Variants in ACTR10 observed in about 807,000 individuals in gnomAD.
The protein encoded by ACTR10 is actin related protein 10.
In ACTR10, 43 loss-of-function variants were observed where a neutral mutation model predicts 56.2. That is an observed-to-expected ratio of 0.77 (90% CI 0.60 to 0.99). ACTR10 has a LOEUF of 0.99. Among genes scored for constraint, ACTR10 ranks in the 50% least tolerant of loss-of-function variants. ACTR10 has a pLI of 0.00. For missense variants in ACTR10, 466 were observed against 507.8 expected (o/e 0.92, Z 0.79); for synonymous variants, 170 against 176.3 (o/e 0.96, Z 0.28).
At chr14:58,214,144 C>G (rs538902678) in intron 6 of ACTR10, among the ~76,000 whole-genome samples, 6 of 152,056 alleles carry the variant, frequency 3.9e-5, no homozygotes, top group African/African-American at 1.2e-4. Context: ...ATTAATTATC[C>G]TCACCTCCCT....
At chr14:58,201,469 A>C (rs189069867) in intron 1 of ACTR10, among the ~76,000 whole-genome samples, 41 of 152,340 alleles carry the variant, frequency 2.7e-4, no homozygotes, top group Admixed American at 2.0e-3. Flanking sequence ...AATGGCTTGC[A>C]TTCTGAGATG....
intron 1 of ACTR10, among the ~76,000 whole-genome samples, chr14:58,202,438 G>T (rs1443064814): frequency 1.3e-5 from 2 of 150,596 alleles, no homozygotes; most frequent in African/African-American, 4.9e-5. Flanking sequence ...AAAAAAATTA[G>T]CCCTGCGTGG....
rs748367430 is a variant in ACTR10, at chr14:58,230,388, A to G, written c.789-11A>G. The G allele has an allele frequency of 2.6e-6, 4 of 1,530,864 alleles. No individual in the cohort carries two copies. Among genetic ancestry groups the G allele is most frequent in the Non-Finnish European group, 2.6e-6 (3 of 1,132,356 alleles). The allele number at this position is 1,530,864 out of a possible 1,614,324, so 94.8% of individuals were successfully genotyped here. On this transcript the variant is annotated splice_polypyrimidine_tract_variant and intron_variant, in intron 10 of 12. Transcript: ENST00000254286. Reference sequence around the variant, plus strand: ...CACCAACAGAAAGCTCTCTTTTTCAAATCCCATTAGAGATTCAGTTGTGGA... The same window carrying G: ...CACCAACAGAAAGCTCTCTTTTTCAGATCCCATTAGAGATTCAGTTGTGGA...
At chr14:58,223,531 A>T (rs1202377861) in intron 8 of ACTR10, 91 bp from the exon 9 acceptor site, 1 of 947,644 alleles carries the variant, frequency 1.1e-6, no homozygotes, top group Non-Finnish European at 1.6e-6. Context: ...GAGCATGTTC[A>T]CTTGAATAGA....
chr14:58,211,501 G>C, intron 5 of ACTR10, 102 bp downstream of exon 5: 1 of 815,502 alleles, frequency 1.2e-6, no homozygotes, highest in African/African-American at 1.7e-5. Flanking sequence ...AACTATTTTG[G>C]GTTACTATGT....
At chr14:58,234,244 T>C (rs1188655647) in intron 12 of ACTR10, 126 bp from the exon 13 acceptor site, 1 of 664,608 alleles carries the variant, frequency 1.5e-6, no homozygotes. Context: ...ACTTTGAAGA[T>C]TGTGGCTATG....
chr14:58,219,395 T>C (rs1160899025), intron 7 of ACTR10: 1 of 209,872 alleles, frequency 4.8e-6, no homozygotes, highest in Non-Finnish European at 9.4e-6. Flanking sequence ...ATTAAAAGAT[T>C]GTGTGTGGTA....
At chr14:58,201,862 G>A (rs934581100) in intron 1 of ACTR10, among the ~76,000 whole-genome samples, 3 of 152,042 alleles carry the variant, frequency 2.0e-5, no homozygotes, top group African/African-American at 4.8e-5. Context: ...AAATTTAGCC[G>A]GCGGTAGTGT....
At position 58,233,038 on chromosome 14, in the gene ACTR10, GT is replaced by G. The variant is rs556606585; in HGVS notation, c.1072+777del. ...GGCGCCCGCCACCACGCCTGGCTAAGTTTTTTGTATCTTTAGTAGAGACAGG... is the reference window on the plus strand; with the variant it reads ...GGCGCCCGCCACCACGCCTGGCTAAGTTTTTGTATCTTTAGTAGAGACAGG... On this transcript the variant is annotated intron_variant, in intron 12 of 12. Transcript: ENST00000254286. Among the ~76,000 whole-genome samples the G allele has an allele frequency of 4.0e-5, 6 of 151,730 alleles. No homozygotes were observed. In the South Asian group the frequency reaches 1.2e-3, roughly 32 times the overall value.
chr14:58,235,249 A>G lies in ACTR10; in HGVS notation c.*698A>G, dbSNP rs889634751. ...GTGTTAACCATTACCAGTTATTTCA[A>G]ATACTAACATGGGTCCATTTAAAAA... On this transcript the variant is annotated 3_prime_UTR_variant, in exon 13 of 13. Transcript: ENST00000254286. 1 of 152,174 alleles carries G rather than the reference A, an allele frequency of 6.6e-6. No homozygotes were observed. Among genetic ancestry groups the G allele is most frequent in the Non-Finnish European group, 1.5e-5 (1 of 68,036 alleles). The allele number at this position is 152,174 out of a possible 1,614,324, so 9.4% of individuals were successfully genotyped here.
Position 58,223,721 on chromosome 14 carries a change from A to AT in ACTR10, c.714+20_714+21insT. The AT allele has an allele frequency of 6.4e-7, 1 of 1,571,418 alleles. No individual in the cohort carries two copies. Among genetic ancestry groups the AT allele is most frequent in the Non-Finnish European group, 8.7e-7 (1 of 1,147,828 alleles). The stretch of plus-strand genomic sequence containing the variant: ...AATGAGGTAAGTTTAAAAAAAAAAA[A>AT]GGCATCTTTTTGCAAAGGTTACAAC... On this transcript the variant is annotated intron_variant, in intron 9 of 12. Transcript: ENST00000254286.
chr14:58,200,838 A>G (rs536208343), intron 1 of ACTR10, among the ~76,000 whole-genome samples: 1 of 152,248 alleles, frequency 6.6e-6, no homozygotes, highest in Non-Finnish European at 1.5e-5. Flanking sequence ...CTAAACTCGA[A>G]GGTTAGATTT....
chr14:58,219,118 C>A (rs550840449), intron 7 of ACTR10, among the ~76,000 whole-genome samples: 1 of 152,252 alleles, frequency 6.6e-6, no homozygotes, highest in South Asian at 2.1e-4. Flanking sequence ...CTGCGCCTGG[C>A]CCCAAAGTTA....
intron 8 of ACTR10, among the ~76,000 whole-genome samples, chr14:58,221,310 C>T (rs1269611172): frequency 7.2e-6 from 1 of 139,128 alleles, no homozygotes; most frequent in African/African-American, 2.7e-5. Context: ...AAAATATATG[C>T]AGGCTGGGTG....
intron 2 of ACTR10, among the ~76,000 whole-genome samples, chr14:58,203,302 C>CAAAAAAAAAAAAAAA: frequency 9.5e-6 from 1 of 105,450 alleles, no homozygotes. Flanking sequence ...GACTTCGTCT[C>CAAAAAAAAAAAAAAA]AAAAAAAAAA....
rs764739801 is a variant in ACTR10 at position 58,215,207 on chromosome 14, A to T, written c.521A>T (p.Glu174Val). The T allele has an allele frequency of 6.3e-7, 1 of 1,581,090 alleles. No homozygotes were observed. Among genetic ancestry groups the T allele is most frequent in the Admixed American group, 1.9e-5 (1 of 53,558 alleles). ...TAACTTTTTTTTTTTAATTTCAGAG[A>T]GTTGGAAACTCAACTATTGGAACAA... ...LPLGGKALHK[E>V]LETQLLEQCT... Residue 174 changes from glutamate to valine, a missense_variant and splice_region_variant, in exon 7 of 13, where the codon GAG (glutamate) becomes GTG (valine). Coordinates refer to ENST00000254286, the MANE Select transcript of ACTR10 (RefSeq NM_018477.3).
At chr14:58,225,731 G>T (rs1486803231) in intron 10 of ACTR10, among the ~76,000 whole-genome samples, 8 of 148,558 alleles carry the variant, frequency 5.4e-5, no homozygotes, top group African/African-American at 1.7e-4. Flanking sequence ...TTTTTCTTGA[G>T]ACGGAATTTT....
chr14:58,202,062 A>G (rs1888721937), intron 1 of ACTR10, among the ~76,000 whole-genome samples: 1 of 151,968 alleles, frequency 6.6e-6, no homozygotes, highest in Non-Finnish European at 1.5e-5. Flanking sequence ...GCAGAAGCTT[A>G]CTGTATGAGT....
At chr14:58,233,697 G>T (rs1351558621) in intron 12 of ACTR10, among the ~76,000 whole-genome samples, 2 of 152,160 alleles carry the variant, frequency 1.3e-5, no homozygotes, top group South Asian at 4.1e-4. Flanking sequence ...TAACTACTTT[G>T]AAGGGAAAAA....
Sources: allele counts gnomAD v4.1 joint callset (sites outside exome capture counted in the v4.1 genomes callset), GRCh38; gene constraint gnomAD v4.1.1; transcripts MANE v1.5; gene names NCBI Gene and HGNC (gene_info 2026-07-23, HGNC 2026-07-21).